The following LIN52 variants were observed in gnomAD, a reference collection of about 807,000 sequenced individuals.
LIN52 encodes the protein lin-52 DREAM MuvB core complex component.
In LIN52, 4 loss-of-function variants were observed where a neutral mutation model predicts 18.5. The ratio of observed to expected loss-of-function variants is 0.22; its 90% confidence interval spans 0.11 to 0.49. The LOEUF is 0.49. Ranked by LOEUF, LIN52 falls within the 20% of genes least tolerant of loss-of-function variation. The probability of loss-of-function intolerance (pLI) is 0.97; values close to 1 mark genes in which losing one functional copy is unlikely to be tolerated. For synonymous variants in LIN52, 34 were observed against 45.5 expected (o/e 0.75, Z 1.02); for missense variants, 102 against 139.5 (o/e 0.73, Z 1.35).
At chr14:74,160,938 G>A (rs1045123804) in intron 5 of LIN52, among the ~76,000 whole-genome samples, 4 of 152,112 alleles carry the variant, frequency 2.6e-5, no homozygotes, top group African/African-American at 9.7e-5. Flanking sequence ...TTGCGTTCTC[G>A]TCAGCCACTA....
At chr14:74,150,927 G>C (rs17182825) in intron 5 of LIN52, among the ~76,000 whole-genome samples, 16,999 of 152,196 alleles carry the variant, frequency 0.11, 1,251 homozygotes, top group Admixed American at 0.19. Flanking sequence ...TCTTGAGCAG[G>C]CCTTATATAA....
intron 4 of LIN52, among the ~76,000 whole-genome samples, chr14:74,098,844 C>T (rs990309744): frequency 1.5e-4 from 23 of 152,106 alleles, no homozygotes; most frequent in Admixed American, 1.2e-3. Context: ...CACCACGCCC[C>T]GCGTAAACTC....
intron 5 of LIN52, among the ~76,000 whole-genome samples, chr14:74,162,482 A>AAG (rs1197837848): frequency 1.3e-5 from 2 of 151,124 alleles, no homozygotes; most frequent in Non-Finnish European, 2.9e-5. Flanking sequence ...TCACAAAAAA[A>AAG]AAAAAAAAAA....
chr14:74,087,119 A>G lies in LIN52; in HGVS notation c.19+2126A>G, dbSNP rs546557070. Among the ~76,000 whole-genome samples, 6 of 152,266 alleles carry G rather than the reference A, an allele frequency of 3.9e-5. No homozygotes were observed. In the East Asian group the frequency reaches 1.2e-3, roughly 29 times the overall value. On this transcript the variant is annotated intron_variant, in intron 1 of 5. Transcript: ENST00000555028. ...CCTTTCTTTGGCCAGGAAGAGTATT[A>G]AAAACATTAAATTTGGCTTGGCGTG...
intron 5 of LIN52, among the ~76,000 whole-genome samples, chr14:74,162,340 G>A (rs1191147874): frequency 1.3e-5 from 2 of 151,710 alleles, no homozygotes; most frequent in African/African-American, 2.4e-5. Context: ...GCTGGGCTTG[G>A]TGGTGCACAC....
intron 5 of LIN52, among the ~76,000 whole-genome samples, chr14:74,164,741 C>G (rs1469854514): frequency 6.6e-6 from 1 of 152,130 alleles, no homozygotes; most frequent in Non-Finnish European, 1.5e-5. Context: ...ACTGGAAGTT[C>G]TACAACTAAA....
intron 5 of LIN52, among the ~76,000 whole-genome samples, chr14:74,137,496 C>CTTTT (rs1409995305): frequency 1.2e-5 from 1 of 85,538 alleles, no homozygotes; most frequent in African/African-American, 5.1e-5. Flanking sequence ...CACAGCAGCT[C>CTTTT]TCTTTTTTTT....
chr14:74,174,067 A>C (rs1285358405), intron 5 of LIN52, among the ~76,000 whole-genome samples: 1 of 152,136 alleles, frequency 6.6e-6, no homozygotes, highest in African/African-American at 2.4e-5. Context: ...GTCTTTTTAT[A>C]TCTCTGCATT....
chr14:74,089,488 C>T (rs1433526954), intron 1 of LIN52, among the ~76,000 whole-genome samples: 1 of 151,906 alleles, frequency 6.6e-6, no homozygotes, highest in African/African-American at 2.4e-5. Flanking sequence ...CCACCTCAGC[C>T]TCCCAAGTAG....
chr14:74,109,256 G>A (rs917587394), intron 5 of LIN52, among the ~76,000 whole-genome samples: 8 of 152,334 alleles, frequency 5.3e-5, no homozygotes, highest in Admixed American at 3.9e-4. Flanking sequence ...GGCCAAGGTG[G>A]GAGAATTGCT....
rs71460958 is a variant in LIN52 at position 74,130,278 on chromosome 14, G to GTTTTTTTTT, written c.283+29050_283+29058dup. ...GAATTTATTAGATAGGCATTTTTTGGTTTTTTTTTTTTTTTTTTGAGACAG... is the reference window on the plus strand; with the variant it reads ...GAATTTATTAGATAGGCATTTTTTGGTTTTTTTTTTTTTTTTTTTTTTTTTTTGAGACAG... On this transcript the variant is annotated intron_variant, in intron 5 of 5. Coordinates refer to ENST00000555028, the MANE Select transcript of LIN52 (RefSeq NM_001024674.3). Among the ~76,000 whole-genome samples the GTTTTTTTTT allele has an allele frequency of 2.1e-3, 133 of 64,798 alleles. 23 individuals are homozygous for GTTTTTTTTT. The highest frequency in any genetic ancestry group is 3.8e-3 in the African/African-American group (60 of 15,872). 42.5% of individuals were successfully genotyped at this position (64,798 alleles called of 152,430 possible).
chr14:74,192,291 T>C (rs1254484704), intron 5 of LIN52, among the ~76,000 whole-genome samples: 1 of 152,062 alleles, frequency 6.6e-6, no homozygotes, highest in East Asian at 1.9e-4. Context: ...TTTGTTTTTG[T>C]TTTTTGTTTT....
rs2078947960 is a variant in LIN52, at chr14:74,201,306, G to A, written c.*2329G>A. ...ACAGACCTCCCCAGAAAGTACAACT[G>A]TAATGATAAATAATCTACTGTTTTC... On this transcript the variant is annotated 3_prime_UTR_variant, in exon 6 of 6. Transcript: ENST00000555028. 6.6e-6 allele frequency: 1 copy of A among 152,184 alleles called. No homozygotes were observed. Among genetic ancestry groups the A allele is most frequent in the Non-Finnish European group, 1.5e-5 (1 of 68,016 alleles). The allele number at this position is 152,184 out of a possible 1,614,324, so 9.4% of individuals were successfully genotyped here.
chr14:74,175,335 T>C (rs1010913700), intron 5 of LIN52, among the ~76,000 whole-genome samples: 1 of 151,910 alleles, frequency 6.6e-6, no homozygotes, highest in Non-Finnish European at 1.5e-5. Flanking sequence ...GGCTGGGGCA[T>C]GGTGGCTCAT....
At chr14:74,172,459 T>G (rs1403752070) in intron 5 of LIN52, among the ~76,000 whole-genome samples, 1 of 152,234 alleles carries the variant, frequency 6.6e-6, no homozygotes, top group Non-Finnish European at 1.5e-5. Context: ...TAATACATGT[T>G]AAGTGAACAT....
At chr14:74,137,491 C>T (rs549729222) in intron 5 of LIN52, among the ~76,000 whole-genome samples, 3 of 110,720 alleles carry the variant, frequency 2.7e-5, no homozygotes, top group African/African-American at 1.2e-4. Context: ...TTCTTCACAG[C>T]AGCTCTCTTT....
chr14:74,155,952 C>T (rs2061197400), intron 5 of LIN52, among the ~76,000 whole-genome samples: 1 of 152,116 alleles, frequency 6.6e-6, no homozygotes, highest in African/African-American at 2.4e-5. Context: ...ATTAGTGTCC[C>T]ATGAATTGAC....
intron 5 of LIN52, among the ~76,000 whole-genome samples, chr14:74,157,498 A>G (rs544036182): frequency 1.3e-5 from 2 of 149,498 alleles, no homozygotes; most frequent in African/African-American, 4.9e-5. Context: ...ACAGGGTCTC[A>G]CTCTGTCACT....
intron 1 of LIN52, among the ~76,000 whole-genome samples, chr14:74,090,942 C>G (rs952995344): frequency 1.3e-5 from 2 of 152,122 alleles, no homozygotes; most frequent in Non-Finnish European, 2.9e-5. Context: ...TTCATTGTAA[C>G]TGGAGGAAAG....
Sources: gnomAD v4.1 joint callset for allele counts (sites outside exome capture counted in the v4.1 genomes callset) on GRCh38, gnomAD v4.1.1 for gene constraint, MANE v1.5 for transcripts, NCBI Gene and HGNC (gene_info 2026-07-23, HGNC 2026-07-21) for gene names.